The following FAT1 variants were observed in gnomAD, a reference collection of about 807,000 sequenced individuals.
FAT1 encodes the protein FAT atypical cadherin 1, also known as protocadherin Fat 1.
FAT1 carries 171 observed loss-of-function variants against 329.8 expected under a neutral mutation model. The observed-to-expected ratio is 0.52, with a 90% CI of 0.46 to 0.59. FAT1 has a LOEUF of 0.59. Among genes scored for constraint, FAT1 ranks in the 20% least tolerant of loss-of-function variants. The probability of loss-of-function intolerance (pLI) is 0.00; values close to 1 mark genes in which losing one functional copy is unlikely to be tolerated. For synonymous variants in FAT1, 2,233 were observed against 2,228.6 expected, an observed-to-expected ratio of 1.00 and a Z score of -0.06; for missense variants, 5,672 against 5,774.4, an observed-to-expected ratio of 0.98 and a Z score of 0.57.
chr4:186,700,891 C>G (rs576576442), intron 2 of FAT1, among the ~76,000 whole-genome samples: 10 of 152,296 alleles, frequency 6.6e-5, no homozygotes, highest in African/African-American at 2.4e-4. Flanking sequence ...AGTGTCATTA[C>G]CACTGACAGC....
chr4:186,655,506 C>G (rs183863973), intron 3 of FAT1, among the ~76,000 whole-genome samples: 1 of 151,426 alleles, frequency 6.6e-6, no homozygotes, highest in Non-Finnish European at 1.5e-5. Flanking sequence ...GTGATCTCGG[C>G]TCGCTGCAAC....
At chr4:186,630,292 G>T (rs193094663) in intron 7 of FAT1, among the ~76,000 whole-genome samples, 2 of 152,142 alleles carry the variant, frequency 1.3e-5, no homozygotes, top group Non-Finnish European at 2.9e-5. Context: ...TACATTTTTG[G>T]TTGGCAGGTG....
chr4:186,600,748 T>C (rs1738772430), intron 21 of FAT1, among the ~76,000 whole-genome samples: 1 of 152,250 alleles, frequency 6.6e-6, no homozygotes, highest in Non-Finnish European at 1.5e-5. Context: ...TTCACTCTTG[T>C]CGCCCAGGCT....
chr4:186,684,759 A>G (rs1342585979), intron 2 of FAT1, among the ~76,000 whole-genome samples: 1 of 152,140 alleles, frequency 6.6e-6, no homozygotes, highest in African/African-American at 2.4e-5. Context: ...AAACAGGGTA[A>G]CAATTGTTTT....
intron 2 of FAT1, among the ~76,000 whole-genome samples, chr4:186,701,212 T>G (rs1326392959): frequency 6.6e-6 from 1 of 152,206 alleles, no homozygotes; most frequent in Non-Finnish European, 1.5e-5. Context: ...TATTTTCACC[T>G]TAACATCTTC....
intron 2 of FAT1, among the ~76,000 whole-genome samples, chr4:186,678,683 A>G (rs1470639103): frequency 1.3e-5 from 2 of 151,324 alleles, no homozygotes; most frequent in Non-Finnish European, 2.9e-5. Flanking sequence ...AGGCCTGCAT[A>G]TAAGAAATTA....
chr4:186,700,049 AC>A (rs1744228385), intron 2 of FAT1, among the ~76,000 whole-genome samples: 1 of 152,162 alleles, frequency 6.6e-6, no homozygotes, highest in African/African-American at 2.4e-5. Context: ...GAGTAAGCTT[AC>A]TCTGGCTTTC....
intron 2 of FAT1, among the ~76,000 whole-genome samples, chr4:186,701,399 C>G (rs1476822633): frequency 6.6e-6 from 1 of 152,218 alleles, no homozygotes; most frequent in East Asian, 1.9e-4. Context: ...AGCTTCTTTT[C>G]TCTTAAGCTT....
rs2126518901 is a variant in FAT1 at position 186,620,768 on chromosome 4, T to C, written c.5818A>G (p.Asn1940Asp). The change falls in exon 10 of 27, where the codon AAC becomes GAC. Residue 1940 changes from asparagine (N) to aspartate (D), a missense_variant. Physicochemically the swap from Asn to Asp is conservative, Grantham distance 23. Transcript: ENST00000441802. ...DYKTGALTVQ[N>D]TTQLRSRYEL... ...TAGCGGCTTCTTAACTGAGTTGTGT[T>C]TTGGACAGTGAGAGCACCAGTCTTG... The C allele has an allele frequency of 1.9e-6, 3 of 1,614,032 alleles. No individual in the cohort carries two copies. The highest frequency in any genetic ancestry group is 2.2e-5 in the South Asian group (2 of 91,070).
chr4:186,615,049 G>A (rs910943795), intron 11 of FAT1, among the ~76,000 whole-genome samples: 5 of 151,974 alleles, frequency 3.3e-5, no homozygotes, highest in Non-Finnish European at 5.9e-5. Context: ...TCAACTACCA[G>A]TGAAGTACTC....
chr4:186,612,209 A>G (rs1377866131), intron 13 of FAT1, among the ~76,000 whole-genome samples: 1 of 62,616 alleles, frequency 1.6e-5, no homozygotes, highest in Admixed American at 1.7e-4. Flanking sequence ...GACCTTTAAA[A>G]GGTAAACAAC....
rs1560940079 is a variant in FAT1 at position 186,619,040 on chromosome 4, T to C, written c.7546A>G (p.Thr2516Ala). Residue 2516 changes from threonine (T) to alanine (A), a missense_variant, in exon 10 of 27, where the codon ACT becomes GCT. By Grantham distance (58) the Thr-to-Ala change is moderately conservative (BLOSUM62 0). This residue lies in a region of FAT1 where 3,966 missense variants were observed against 3,915.2 expected (regional missense o/e 1.01). Transcript: ENST00000441802. ...TAAATACCAGAATCCCCATCCGTAG[T>C]TTTCACCTCCATCACCAGGGTATGT... ...PLHTLVMEVK[T>A]TDGDSGIYGH... 6.2e-7 allele frequency: 1 copy of C among 1,613,954 alleles called. No homozygotes were observed. The highest frequency in any genetic ancestry group is 2.2e-5 in the East Asian group (1 of 44,874).
chr4:186,603,883 A>AG lies in FAT1; in HGVS notation c.10642dup (p.Leu3548ProfsTer29). ...TCCAGAAGAGGTGATGAAAATCTCC[A>AG]GGGGCAAAATCGCAGGCGGATAGAT... On this transcript the variant is annotated frameshift_variant, in exon 19 of 27. Coordinates refer to ENST00000441802, the MANE Select transcript of FAT1 (RefSeq NM_005245.4). LOFTEE classifies it high-confidence loss of function. 6.2e-7 allele frequency: 1 copy of AG among 1,613,946 alleles called. No individual in the cohort carries two copies. The highest frequency in any genetic ancestry group is 1.3e-5 in the African/African-American group (1 of 75,052).
rs550890340 is a variant in FAT1, at chr4:186,708,171, C to T, written c.1657G>A (p.Val553Ile). The change falls in exon 2 of 27, where the codon GTC becomes ATC. Residue 553 changes from valine to isoleucine, a missense_variant. Coordinates refer to ENST00000441802, the MANE Select transcript of FAT1 (RefSeq NM_005245.4). Reference protein sequence around the residue: ...WGLPYRREVEVLATITLNNLN... With the variant: ...WGLPYRREVEILATITLNNLN... ...TTATTGAGAGTAATTGTAGCAAGGACTTCGACTTCCCGGCGGTACGGCAAG... is the reference window on the plus strand; with the variant it reads ...TTATTGAGAGTAATTGTAGCAAGGATTTCGACTTCCCGGCGGTACGGCAAG... 7.4e-5 allele frequency: 119 copies of T among 1,614,012 alleles called. 2 individuals are homozygous for T. In the South Asian group the frequency reaches 9.4e-4, roughly 13 times the overall value.
In FAT1 at chr4:186,620,339, T is replaced by C; in HGVS notation, c.6247A>G (p.Asn2083Asp). ...DQNDNAPVFV[N>D]LPYYAVVKVD... is the part of the protein sequence containing the mutation. Reference sequence around the variant, plus strand: ...TTAACAACGGCGTAGTAGGGAAGGTTGACAAACACCGGCGCATTATCATTT... The same window carrying C: ...TTAACAACGGCGTAGTAGGGAAGGTCGACAAACACCGGCGCATTATCATTT... Residue 2083 changes from asparagine to aspartate, a missense_variant, in exon 10 of 27, where the codon AAC becomes GAC. By Grantham distance (23) the Asn-to-Asp change is conservative (BLOSUM62 1). Coordinates refer to ENST00000441802, the MANE Select transcript of FAT1 (RefSeq NM_005245.4). The C allele has an allele frequency of 6.2e-7, 1 of 1,613,970 alleles. No homozygotes were observed. The highest frequency in any genetic ancestry group is 1.1e-5 in the South Asian group (1 of 91,072).
At position 186,668,701 on chromosome 4, in the gene FAT1, C is replaced by T. The variant is rs150194314; in HGVS notation, c.3266-5088G>A. Among the ~76,000 whole-genome samples the T allele has an allele frequency of 3.5e-3, 530 of 152,312 alleles. 2 individuals are homozygous for T. The highest frequency in any genetic ancestry group is 5.2e-3 in the Non-Finnish European group (355 of 68,038). On this transcript the variant is annotated intron_variant, in intron 2 of 26. Coordinates refer to ENST00000441802, the MANE Select transcript of FAT1 (RefSeq NM_005245.4). ...CTTTCACCAGTCCTTCCTAAAGCCA[C>T]GACTGGCATTTACAGATTACAGATT...
At chr4:186,638,254 T>C (rs1446518633) in intron 4 of FAT1, among the ~76,000 whole-genome samples, 6 of 152,244 alleles carry the variant, frequency 3.9e-5, no homozygotes, top group Admixed American at 3.9e-4. Flanking sequence ...TTCAAAGTGC[T>C]ATATATCTGG....
chr4:186,606,916 A>G (rs546452844), intron 16 of FAT1, among the ~76,000 whole-genome samples: 5 of 152,358 alleles, frequency 3.3e-5, no homozygotes, highest in African/African-American at 9.6e-5. Context: ...CTCCAATGAA[A>G]AAGAATTCTG....
Position 186,591,944 on chromosome 4 carries a change from C to T in FAT1, c.13139-2724G>A, listed in dbSNP as rs182957882. On this transcript the variant is annotated intron_variant, in intron 26 of 26. Transcript: ENST00000441802. ...TCGAGTGGGATCTCTAGACCGGCAC[C>T]ATCAGAGCTACCTGGGAACTGGTGA... is the stretch of plus-strand genomic sequence containing the variant. Among the ~76,000 whole-genome samples the T allele has an allele frequency of 1.8e-3, 276 of 152,306 alleles. 4 individuals carry two copies. The highest frequency in any genetic ancestry group is 6.4e-3 in the African/African-American group (264 of 41,564).
Sources: gnomAD v4.1 joint callset for allele counts (sites outside exome capture counted in the v4.1 genomes callset) on GRCh38, gnomAD v4.1.1 for gene constraint, gnomAD v4.1.1 regional missense constraint, MANE v1.5 for transcripts, NCBI Gene and HGNC (gene_info 2026-07-23, HGNC 2026-07-21) for gene names.